Variants in PHACTR1 observed in about 807,000 individuals in gnomAD.
PHACTR1 encodes RPEL repeat containing 1.
Under a neutral mutation model 69.2 loss-of-function variants are expected in PHACTR1, and 16 were observed. The ratio of observed to expected loss-of-function variants is 0.23; its 90% confidence interval spans 0.16 to 0.35. PHACTR1 has a LOEUF of 0.35. PHACTR1 is among the 10% of genes least tolerant of loss of function. The pLI is 1.00. For missense variants in PHACTR1, 510 were observed against 734.7 expected (o/e 0.69, Z 3.54); for synonymous variants, 312 against 284.5 (o/e 1.10, Z -0.97).
chr6:12,972,540 G>T (rs560320684), intron 4 of PHACTR1, among the ~76,000 whole-genome samples: 5 of 152,244 alleles, frequency 3.3e-5, no homozygotes, highest in African/African-American at 1.2e-4. Context: ...CTCTAGAAGA[G>T]AATCCATTTC....
intron 4 of PHACTR1, among the ~76,000 whole-genome samples, chr6:13,011,168 C>T (rs1799409902): frequency 2.0e-5 from 3 of 152,234 alleles, no homozygotes. Flanking sequence ...TGGTTTCATA[C>T]AACTTTCAAT....
chr6:12,895,769 G>A (rs1784611360), intron 4 of PHACTR1, among the ~76,000 whole-genome samples: 1 of 152,200 alleles, frequency 6.6e-6, no homozygotes, highest in Non-Finnish European at 1.5e-5. Context: ...AGCATTGCCT[G>A]CGGGAATTTC....
At chr6:12,817,849 A>G (rs1009782403) in intron 4 of PHACTR1, among the ~76,000 whole-genome samples, 1 of 140,524 alleles carries the variant, frequency 7.1e-6, no homozygotes, top group Non-Finnish European at 1.5e-5. Context: ...TTTGAGATGG[A>G]GTCTTGCACT....
chr6:13,001,379 A>T (rs1798078539), intron 4 of PHACTR1, among the ~76,000 whole-genome samples: 1 of 152,220 alleles, frequency 6.6e-6, no homozygotes, highest in Non-Finnish European at 1.5e-5. Context: ...GAAGTGACCA[A>T]AAGATAGTGC....
At chr6:12,797,008 AGTGTGTGTGTGT>A (rs10577949) in intron 4 of PHACTR1, among the ~76,000 whole-genome samples, 2 of 138,346 alleles carry the variant, frequency 1.4e-5, no homozygotes, top group Admixed American at 7.5e-5. Flanking sequence ...GAAGCCTAGG[AGTGTGTGTGTGT>A]GTGTGTGTGT....
chr6:12,978,071 T>C (rs1795101919), intron 4 of PHACTR1, among the ~76,000 whole-genome samples: 1 of 152,252 alleles, frequency 6.6e-6, no homozygotes, highest in African/African-American at 2.4e-5. Flanking sequence ...AATCTGCCTG[T>C]ATGTTTCAGC....
chr6:12,876,350 A>C (rs1364633650), intron 4 of PHACTR1, among the ~76,000 whole-genome samples: 1 of 152,222 alleles, frequency 6.6e-6, no homozygotes, highest in Non-Finnish European at 1.5e-5. Flanking sequence ...TTATGTACAA[A>C]AGTAACAATA....
intron 13 of PHACTR1, among the ~76,000 whole-genome samples, chr6:13,284,288 C>T (rs1477279576): frequency 2.6e-5 from 4 of 151,794 alleles, no homozygotes; most frequent in South Asian, 2.1e-4. Flanking sequence ...GAGGCCGAGG[C>T]GGGTAGATCA....
intron 10 of PHACTR1, among the ~76,000 whole-genome samples, chr6:13,238,211 A>G (rs377019): frequency 0.13 from 20,100 of 151,690 alleles, 1,898 homozygotes; most frequent in Admixed American, 0.24. Context: ...TAAAGCACCT[A>G]GTGACGCTGA....
intron 5 of PHACTR1, among the ~76,000 whole-genome samples, chr6:13,100,127 C>T (rs1814913657): frequency 6.6e-6 from 1 of 152,058 alleles, no homozygotes; most frequent in Admixed American, 6.6e-5. Flanking sequence ...TGGCTGATGC[C>T]CCTACATCAA....
intron 7 of PHACTR1, among the ~76,000 whole-genome samples, chr6:13,195,750 A>G (rs7776238): frequency 7.2e-6 from 1 of 138,188 alleles, no homozygotes. Flanking sequence ...AGAGAGAGAC[A>G]CCGTCTCAAA....
At chr6:13,088,443 T>C (rs951480609) in intron 5 of PHACTR1, among the ~76,000 whole-genome samples, 1 of 152,158 alleles carries the variant, frequency 6.6e-6, no homozygotes, top group Admixed American at 6.5e-5. Context: ...TCCCTATGCT[T>C]TCTAACTTCA....
At chr6:12,872,740 C>T (rs1343000241) in intron 4 of PHACTR1, among the ~76,000 whole-genome samples, 1 of 152,152 alleles carries the variant, frequency 6.6e-6, no homozygotes, top group African/African-American at 2.4e-5. Flanking sequence ...TGTTCATCAC[C>T]ACAGTCCTTT....
chr6:13,133,773 G>T (rs1482799045), intron 5 of PHACTR1, among the ~76,000 whole-genome samples: 1 of 151,752 alleles, frequency 6.6e-6, no homozygotes, highest in Non-Finnish European at 1.5e-5. Context: ...GGGATGTGAG[G>T]AGCCCCTCTG....
At chr6:12,858,751 A>T (rs1488779157) in intron 4 of PHACTR1, among the ~76,000 whole-genome samples, 1 of 152,048 alleles carries the variant, frequency 6.6e-6, no homozygotes, top group Non-Finnish European at 1.5e-5. Context: ...AGTTATGATC[A>T]TGCCACTGTA....
chr6:12,839,921 T>C lies in PHACTR1; in HGVS notation c.250+90131T>C, dbSNP rs542664700. ...GCAAGAACAGAGGATCATTGACTTA[T>C]ACTTTTTTTTTATTTATTCAGAGAG... On this transcript the variant is annotated intron_variant, in intron 4 of 14. Coordinates refer to ENST00000332995, the MANE Select transcript of PHACTR1 (RefSeq NM_030948.6). Among the ~76,000 whole-genome samples, 36 of 152,132 alleles carry C rather than the reference T, an allele frequency of 2.4e-4. No individual in the cohort carries two copies. The Middle Eastern group carries it at 0.01, about 43-fold the overall frequency.
intron 4 of PHACTR1, among the ~76,000 whole-genome samples, chr6:12,881,386 A>G (rs1783080715): frequency 6.6e-6 from 1 of 152,152 alleles, no homozygotes; most frequent in Admixed American, 6.5e-5. Context: ...GACAATGGTG[A>G]TAGCTAGGAG....
intron 4 of PHACTR1, among the ~76,000 whole-genome samples, chr6:12,766,686 G>A (rs985395652): frequency 6.6e-6 from 1 of 152,188 alleles, no homozygotes; most frequent in Non-Finnish European, 1.5e-5. Context: ...ACAGAGTCGA[G>A]TATGATATTT....
At chr6:12,830,196 T>A (rs1417504221) in intron 4 of PHACTR1, among the ~76,000 whole-genome samples, 1 of 150,046 alleles carries the variant, frequency 6.7e-6, no homozygotes, top group Non-Finnish European at 1.5e-5. Context: ...TGTATTTAAT[T>A]CACAACTAAG....
Sources: allele counts gnomAD v4.1 joint callset (sites outside exome capture counted in the v4.1 genomes callset), GRCh38; gene constraint gnomAD v4.1.1; transcripts MANE v1.5; gene names NCBI Gene and HGNC (gene_info 2026-07-23, HGNC 2026-07-21).